The following KAT14 variants were observed in gnomAD, a reference collection of about 807,000 sequenced individuals.
KAT14 encodes the protein lysine acetyltransferase 14, also known as cysteine-rich protein 2-binding protein.
Under a neutral mutation model 78.4 loss-of-function variants are expected in KAT14, and 66 were observed. The observed-to-expected ratio is 0.84, with a 90% CI of 0.69 to 1.03. The LOEUF is 1.03. KAT14 is among the 50% of genes least tolerant of loss of function. KAT14 has a pLI of 0.00. For missense variants in KAT14, 870 were observed against 972.5 expected, an observed-to-expected ratio of 0.89 and a Z score of 1.40; for synonymous variants, 344 against 359.4, an observed-to-expected ratio of 0.96 and a Z score of 0.48.
intron 7 of KAT14, among the ~76,000 whole-genome samples, chr20:18,165,466 C>G (rs187481974): frequency 6.6e-6 from 1 of 152,270 alleles, no homozygotes; most frequent in African/African-American, 2.4e-5. Flanking sequence ...GCACCAGGAG[C>G]TAAGAGAAGG....
In KAT14 at chr20:18,137,958, G is replaced by A. The variant is rs1055904923; in HGVS notation, c.-547G>A. On this transcript the variant is annotated 5_prime_UTR_variant, in exon 1 of 11. The change abolishes an upstream ATG in the 5' untranslated region. Coordinates refer to ENST00000688188, the MANE Select transcript of KAT14 (RefSeq NM_001392073.1). The stretch of plus-strand genomic sequence containing the variant: ...AGGCCGCGGCCGCCAGCGTGGGGAT[G>A]TCTAGGAGCTCGAAGGTGGTGCTGG... 1.1e-5 allele frequency: 17 copies of A among 1,493,812 alleles called. No homozygotes were observed. The highest frequency in any genetic ancestry group is 1.5e-5 in the African/African-American group (1 of 68,932). The allele number at this position is 1,493,812 out of a possible 1,614,324, so 92.5% of individuals were successfully genotyped here. A position where few individuals can be genotyped will look rare whatever the true frequency, so the allele number is the denominator to read the frequency against.
At chr20:18,164,643 GTCTC>G (rs2038574713) in intron 7 of KAT14, among the ~76,000 whole-genome samples, 8 of 141,628 alleles carry the variant, frequency 5.6e-5, no homozygotes, top group African/African-American at 2.1e-4. Flanking sequence ...TTGAGACATG[GTCTC>G]TCTCTGTCAC....
chr20:18,176,842 AAG>A (rs1473666523), intron 7 of KAT14, among the ~76,000 whole-genome samples: 1 of 152,192 alleles, frequency 6.6e-6, no homozygotes, highest in Non-Finnish European at 1.5e-5. Flanking sequence ...ATGTTTTTAG[AAG>A]ACTCTGGCTT....
chr20:18,145,183 T>TA (rs2037779673), intron 2 of KAT14, 50 bp from the exon 3 acceptor site: 1 of 1,595,382 alleles, frequency 6.3e-7, no homozygotes, highest in African/African-American at 1.4e-5. Context: ...ACCTTTAGGT[T>TA]ACCGCTGCTC....
chr20:18,148,174 G>A (rs925024740), intron 3 of KAT14, among the ~76,000 whole-genome samples: 1 of 152,156 alleles, frequency 6.6e-6, no homozygotes, highest in Non-Finnish European at 1.5e-5. Flanking sequence ...AACTTTGAAA[G>A]ATTTACCAAA....
chr20:18,176,229 A>G (rs1454435588), intron 7 of KAT14, among the ~76,000 whole-genome samples: 1 of 140,484 alleles, frequency 7.1e-6, no homozygotes, highest in African/African-American at 2.7e-5. Context: ...TGAATCTGGG[A>G]GGTGGAGGTT....
At chr20:18,149,515 T>TC (rs1357490933) in intron 3 of KAT14, among the ~76,000 whole-genome samples, 1 of 152,202 alleles carries the variant, frequency 6.6e-6, no homozygotes, top group East Asian at 1.9e-4. Flanking sequence ...ATGGGGGAAA[T>TC]TGAAACTTGG....
intron 7 of KAT14, among the ~76,000 whole-genome samples, chr20:18,171,385 T>C (rs193120773): frequency 6.6e-6 from 1 of 152,380 alleles, no homozygotes; most frequent in Admixed American, 6.5e-5. Context: ...CTACTCCTGC[T>C]AAAGATGCTA....
Position 18,184,701 on chromosome 20 carries a change from A to G in KAT14, c.2081A>G (p.Lys694Arg). 6.2e-7 allele frequency: 1 copy of G among 1,613,846 alleles called. No individual in the cohort carries two copies. Among genetic ancestry groups the G allele is most frequent in the Non-Finnish European group, 8.5e-7 (1 of 1,179,948 alleles). Residue 694 changes from lysine to arginine, a missense_variant, in exon 10 of 11, where the codon AAA becomes AGA. By Grantham distance (26) the Lys-to-Arg change is conservative. Coordinates refer to ENST00000688188, the MANE Select transcript of KAT14 (RefSeq NM_001392073.1). ...TTTGGCTTCATGGTTCCTGATGTGA[A>G]ATACAATGAAGCTTACATTTCATTT... The part of the protein sequence containing the change: ...IAFGFMVPDV[K>R]YNEAYISFLF...
At position 18,151,052 on chromosome 20, in the gene KAT14, T is replaced by C; in HGVS notation, c.500+110T>C. On this transcript the variant is annotated intron_variant, in intron 4 of 10. Coordinates refer to ENST00000688188, the MANE Select transcript of KAT14 (RefSeq NM_001392073.1). ...TGTTAGAGATTTATTTTAATTTTTT[T>C]GAGATAGAGTCTCCCAGGCTGGAGT... 3.6e-6 allele frequency: 5 copies of C among 1,408,390 alleles called. No homozygotes were observed. In the South Asian group the frequency reaches 7.0e-5, roughly 20 times the overall value. 87.2% of individuals were successfully genotyped at this position (1,408,390 alleles called of 1,614,324 possible).
intron 4 of KAT14, among the ~76,000 whole-genome samples, chr20:18,151,309 G>T (rs1245117065): frequency 1.3e-5 from 2 of 152,138 alleles, no homozygotes; most frequent in Non-Finnish European, 2.9e-5. Context: ...CGATTCTCCT[G>T]CCTTAGCCTC....
chr20:18,178,718 T>G (rs1355553866), intron 7 of KAT14, among the ~76,000 whole-genome samples: 1 of 151,874 alleles, frequency 6.6e-6, no homozygotes, highest in Non-Finnish European at 1.5e-5. Context: ...AAGATGAGAT[T>G]TGAGTGGAGA....
In KAT14 at chr20:18,162,711, C is replaced by T. The variant is rs1205194; in HGVS notation, c.1434C>T (p.Pro478=). The change falls in exon 7 of 11, where the codon CCC becomes CCT. Residue 478 remains proline (P), a synonymous_variant. Transcript: ENST00000688188. Reference sequence around the variant, plus strand: ...TGCTCAAGAGGCTGGAAGCTTGTCCCGGTGCTGTTGCCATGACTCCGGAAG... The same window carrying T: ...TGCTCAAGAGGCTGGAAGCTTGTCCTGGTGCTGTTGCCATGACTCCGGAAG... ...KLLLKRLEAC[P]GAVAMTPEAR... The T allele has an allele frequency of 0.27, 436,841 of 1,614,012 alleles. 63,983 individuals are homozygous for T. The highest frequency in any genetic ancestry group is 0.55 in the East Asian group (24,524 of 44,870).
chr20:18,138,612 G>A (rs566801135), intron 1 of KAT14: 72 of 280,704 alleles, frequency 2.6e-4, no homozygotes, highest in African/African-American at 1.1e-3. Flanking sequence ...AGATAATTTG[G>A]TGAGATGTTT....
At chr20:18,172,395 T>A (rs975559048) in intron 7 of KAT14, among the ~76,000 whole-genome samples, 1 of 150,060 alleles carries the variant, frequency 6.7e-6, no homozygotes, top group Non-Finnish European at 1.5e-5. Flanking sequence ...CCACTACGCC[T>A]GGCCACTTTT....
At chr20:18,145,020 A>C in intron 2 of KAT14, 1 of 1,176,558 alleles carries the variant, frequency 8.5e-7, no homozygotes, top group South Asian at 3.3e-5. Flanking sequence ...CCTAAAAGTT[A>C]CTGGATCCTA....
At chr20:18,138,517 G>A (rs2037390683) in intron 1 of KAT14, 1 of 941,788 alleles carries the variant, frequency 1.1e-6, no homozygotes, top group Non-Finnish European at 1.3e-6. Context: ...TGGGGTTAAA[G>A]CCTAATGTGT....
At chr20:18,183,561 C>T in intron 9 of KAT14, 2 of 983,500 alleles carry the variant, frequency 2.0e-6, no homozygotes, top group Non-Finnish European at 1.2e-6. Flanking sequence ...TGTTTTGCTT[C>T]TGCATATGTT....
intron 7 of KAT14, among the ~76,000 whole-genome samples, chr20:18,167,750 T>G (rs1406769043): frequency 6.6e-6 from 1 of 152,192 alleles, no homozygotes. Flanking sequence ...TGTATTATGA[T>G]CAGAGAAAAT....
Sources: allele counts gnomAD v4.1 joint callset (sites outside exome capture counted in the v4.1 genomes callset), GRCh38; gene constraint gnomAD v4.1.1; transcripts MANE v1.5; gene names NCBI Gene and HGNC (gene_info 2026-07-23, HGNC 2026-07-21).